ABHD2: variants seen among roughly 807,000 people sequenced by gnomAD.
ABHD2 encodes monoacylglycerol lipase ABHD2.
In ABHD2, 20 loss-of-function variants were observed where a neutral mutation model predicts 48.1. The observed-to-expected ratio is 0.42, with a 90% CI of 0.29 to 0.60. The LOEUF (loss-of-function observed/expected upper bound fraction) is 0.60. Ranked by LOEUF, ABHD2 falls within the 20% of genes least tolerant of loss-of-function variation. ABHD2 has a pLI of 0.24. For missense variants in ABHD2, 405 were observed against 550.9 expected, an observed-to-expected ratio of 0.74 and a Z score of 2.65; for synonymous variants, 209 against 214.2, an observed-to-expected ratio of 0.98 and a Z score of 0.21.
intron 6 of ABHD2, among the ~76,000 whole-genome samples, chr15:89,183,990 C>G (rs2051164146): frequency 6.6e-6 from 1 of 152,204 alleles, no homozygotes; most frequent in East Asian, 1.9e-4. Flanking sequence ...TAGCCGGGGT[C>G]CCTCATGGTG....
chr15:89,149,976 A>T (rs1030016612), intron 3 of ABHD2, among the ~76,000 whole-genome samples: 1 of 152,112 alleles, frequency 6.6e-6, no homozygotes, highest in African/African-American at 2.4e-5. Flanking sequence ...TGCTGCCAAG[A>T]TTTTGAGGAG....
intron 3 of ABHD2, among the ~76,000 whole-genome samples, chr15:89,129,242 C>T (rs1408187823): frequency 6.6e-6 from 1 of 151,946 alleles, no homozygotes; most frequent in Non-Finnish European, 1.5e-5. Flanking sequence ...AGACTGATGG[C>T]TGAGGCAGGC....
intron 9 of ABHD2, among the ~76,000 whole-genome samples, chr15:89,191,426 C>G (rs2051303199): frequency 6.6e-6 from 1 of 152,100 alleles, no homozygotes. Flanking sequence ...CTTCCTTTGA[C>G]AGTATAATCC....
chr15:89,058,972 T>C, the ABHD2 span, among the ~76,000 whole-genome samples: 2 of 152,130 alleles, frequency 1.3e-5, no homozygotes, highest in Non-Finnish European at 2.9e-5. Context: ...CACCAGCTGA[T>C]GGGAAAGCAG....
the ABHD2 span, among the ~76,000 whole-genome samples, chr15:89,048,692 G>T: frequency 1.3e-5 from 2 of 151,928 alleles, no homozygotes; most frequent in African/African-American, 4.8e-5. Context: ...GATCGCATCA[G>T]CTCCTGAGGC....
At position 89,185,771 on chromosome 15, in the gene ABHD2, C is replaced by A. The variant is rs1458606200; in HGVS notation, c.815+255C>A. On this transcript the variant is annotated intron_variant, in intron 7 of 10. Transcript: ENST00000352732. The surrounding 1 kb of genome is among the most constrained non-coding windows in gnomAD (Gnocchi z 5.9). ...ATAGCTTGAGGCCAGGAATTTGAGA[C>A]CAGCCTGGCCAACATGGCGAAACCC... 6.6e-6 allele frequency among the ~76,000 whole-genome samples: 1 copy of A among 152,202 alleles called. No homozygotes were observed. The highest frequency in any genetic ancestry group is 1.5e-5 in the Non-Finnish European group (1 of 68,016).
intron 5 of ABHD2, among the ~76,000 whole-genome samples, chr15:89,165,449 A>G (rs969357401): frequency 2.0e-5 from 3 of 152,128 alleles, no homozygotes; most frequent in African/African-American, 7.2e-5. Flanking sequence ...AAGTTTACCA[A>G]ACTGTCTTAA....
chr15:89,073,594 T>G, the ABHD2 span, among the ~76,000 whole-genome samples: 1 of 152,100 alleles, frequency 6.6e-6, no homozygotes, highest in East Asian at 1.9e-4. Flanking sequence ...AGTTTTCTTT[T>G]AAAAAGTGTG....
In ABHD2 at chr15:89,176,052, C is replaced by G. The variant is rs2150928422; in HGVS notation, c.722+57C>G. The G allele has an allele frequency of 6.7e-7, 1 of 1,491,206 alleles. No homozygotes were observed. The allele number at this position is 1,491,206 out of a possible 1,614,324, so 92.4% of individuals were successfully genotyped here. On this transcript the variant is annotated intron_variant, in intron 6 of 10. Coordinates refer to ENST00000352732, the MANE Select transcript of ABHD2 (RefSeq NM_152924.5). The surrounding 1 kb of genome is among the most constrained non-coding windows in gnomAD (Gnocchi z 4.5). ...CAGTTAGCCCTTATTTATAGAGATG[C>G]CCCGACGCACAACACACTGTTCTGT... is the stretch of plus-strand genomic sequence containing the variant.
the ABHD2 span, among the ~76,000 whole-genome samples, chr15:89,081,000 C>A: frequency 4.7e-5 from 1 of 21,242 alleles, no homozygotes; most frequent in African/African-American, 7.7e-5. Context: ...GAATTTCATT[C>A]CTTTTTTTTT....
intron 3 of ABHD2, among the ~76,000 whole-genome samples, chr15:89,149,976 A>AT (rs559935585): frequency 2.7e-4 from 41 of 152,230 alleles, no homozygotes; most frequent in African/African-American, 8.9e-4. Context: ...TGCTGCCAAG[A>AT]TTTTGAGGAG....
chr15:89,161,593 G>T (rs2050762918), intron 5 of ABHD2, among the ~76,000 whole-genome samples: 1 of 152,114 alleles, frequency 6.6e-6, no homozygotes, highest in Non-Finnish European at 1.5e-5. Flanking sequence ...TAGAGACAGG[G>T]TTTCACCATG....
the ABHD2 span, among the ~76,000 whole-genome samples, chr15:89,045,496 G>C: frequency 6.6e-6 from 1 of 152,278 alleles, no homozygotes; most frequent in Admixed American, 6.5e-5. Flanking sequence ...TGGGCAGTAT[G>C]GCCATTTTCA....
At chr15:89,098,656 A>C (rs924373036) in intron 1 of ABHD2, among the ~76,000 whole-genome samples, 4 of 152,254 alleles carry the variant, frequency 2.6e-5, no homozygotes, top group Non-Finnish European at 4.4e-5. Flanking sequence ...TGATGTTGAC[A>C]AATGTACCCT....
Position 89,109,446 on chromosome 15 carries a change from A to G in ABHD2, c.-106-4279A>G, listed in dbSNP as rs74032720. ...AGGGACACAGGAAGCCCAGCCCATCATGAAGGTGGAGCTGGGTTTGGGGTG... is the reference window on the plus strand; with the variant it reads ...AGGGACACAGGAAGCCCAGCCCATCGTGAAGGTGGAGCTGGGTTTGGGGTG... On this transcript the variant is annotated intron_variant, in intron 1 of 10. Coordinates refer to ENST00000352732, the MANE Select transcript of ABHD2 (RefSeq NM_152924.5). Among the ~76,000 whole-genome samples the G allele has an allele frequency of 3.5e-3, 536 of 152,256 alleles. 6 individuals are homozygous for G. Among genetic ancestry groups the G allele is most frequent in the African/African-American group, 0.012 (518 of 41,552 alleles).
Position 89,097,452 on chromosome 15 carries a change from T to G in ABHD2, c.-107+8889T>G, listed in dbSNP as rs554735932. Among the ~76,000 whole-genome samples, 103 of 152,360 alleles carry G rather than the reference T, an allele frequency of 6.8e-4. No homozygotes were observed. Among genetic ancestry groups the G allele is most frequent in the Non-Finnish European group, 7.3e-5 (5 of 68,030 alleles). ...AATTGTTTAAAAATGGCATAAGTGTTTTTCTCCTTAAGCTTAATTTTTGTG... is the reference window on the plus strand; with the variant it reads ...AATTGTTTAAAAATGGCATAAGTGTGTTTCTCCTTAAGCTTAATTTTTGTG... On this transcript the variant is annotated intron_variant, in intron 1 of 10. Coordinates refer to ENST00000352732, the MANE Select transcript of ABHD2 (RefSeq NM_152924.5). The surrounding 1 kb of genome is among the most constrained non-coding windows in gnomAD (Gnocchi z 4.2).
At chr15:89,152,085 T>TC (rs1427263673) in intron 4 of ABHD2, among the ~76,000 whole-genome samples, 1 of 151,958 alleles carries the variant, frequency 6.6e-6, no homozygotes, top group Non-Finnish European at 1.5e-5. Flanking sequence ...TAGTTTTTTT[T>TC]TTTTTTTTGA....
At chr15:89,135,847 TCAGAA>T (rs545667636) in intron 3 of ABHD2, 51 of 744,196 alleles carry the variant, frequency 6.9e-5, no homozygotes, top group East Asian at 3.4e-4. Flanking sequence ...TGGGCGATAC[TCAGAA>T]CAGAACAGAA....
chr15:89,062,555 G>T, the ABHD2 span, among the ~76,000 whole-genome samples: 1 of 151,844 alleles, frequency 6.6e-6, no homozygotes, highest in South Asian at 2.1e-4. Flanking sequence ...CCACACCTAA[G>T]TTTTGTAATT....
Sources: allele counts gnomAD v4.1 joint callset (sites outside exome capture counted in the v4.1 genomes callset), GRCh38; gene constraint gnomAD v4.1.1; non-coding constraint Gnocchi (gnomAD v3.1); transcripts MANE v1.5; gene names NCBI Gene and HGNC (gene_info 2026-07-23, HGNC 2026-07-21).